TMEM132D: variants seen among roughly 807,000 people sequenced by gnomAD.
TMEM132D encodes mature OL transmembrane protein.
A neutral mutation model predicts 62.3 loss-of-function variants in TMEM132D; 21 were observed. The observed-to-expected ratio is 0.34, with a 90% CI of 0.24 to 0.49. TMEM132D has a LOEUF of 0.49. Among genes scored for constraint, TMEM132D ranks in the 20% least tolerant of loss-of-function variants. The pLI is 0.99. For synonymous variants in TMEM132D, 621 were observed against 575.6 expected (o/e 1.08, Z -1.13); for missense variants, 1,346 against 1,402.8 (o/e 0.96, Z 0.65).
Position 129,828,802 on chromosome 12 carries a change from G to A in TMEM132D, c.79+74459C>T, listed in dbSNP as rs558797580. ...AGAAAAGGAGGGAGGGAGGGAGGGA[G>A]GAAAGGAAGGGAGAAAAAAGGGAGG... On this transcript the variant is annotated intron_variant, in intron 1 of 8. Coordinates refer to ENST00000422113, the MANE Select transcript of TMEM132D (RefSeq NM_133448.3). Among the ~76,000 whole-genome samples the A allele has an allele frequency of 3.8e-5, 5 of 132,034 alleles. No homozygotes were observed. In the East Asian group the frequency reaches 1.2e-3, roughly 31 times the overall value. 86.6% of individuals were successfully genotyped at this position (132,034 alleles called of 152,430 possible).
intron 2 of TMEM132D, among the ~76,000 whole-genome samples, chr12:129,680,820 G>T (rs1470320063): frequency 6.6e-6 from 1 of 152,192 alleles, no homozygotes; most frequent in African/African-American, 2.4e-5. Context: ...CAAAGAGGTT[G>T]TGTTAAAAGA....
chr12:129,341,298 A>T (rs1869472788), intron 3 of TMEM132D, among the ~76,000 whole-genome samples: 2 of 152,250 alleles, frequency 1.3e-5, no homozygotes, highest in African/African-American at 4.8e-5. Context: ...TCAGAAGGGA[A>T]TCTGATGTAT....
At chr12:129,722,950 T>C (rs549818002) in intron 1 of TMEM132D, among the ~76,000 whole-genome samples, 2 of 151,870 alleles carry the variant, frequency 1.3e-5, no homozygotes, top group Non-Finnish European at 2.9e-5. Flanking sequence ...CCATGTTGGC[T>C]AGGCTGGTCT....
At position 129,120,113 on chromosome 12, in the gene TMEM132D, C is replaced by A. The variant is rs554465659; in HGVS notation, c.1444-35411G>T. Among the ~76,000 whole-genome samples the A allele has an allele frequency of 6.6e-5, 10 of 152,164 alleles. No homozygotes were observed. The South Asian group carries it at 2.1e-3, about 32-fold the overall frequency. On this transcript the variant is annotated intron_variant, in intron 5 of 8. Transcript: ENST00000422113. Reference sequence around the variant, plus strand: ...GGGCTTGATCACATGAATCCTGGACCATTATGGTGAGGAGGTTGTATATTA... The same window carrying A: ...GGGCTTGATCACATGAATCCTGGACAATTATGGTGAGGAGGTTGTATATTA...
intron 1 of TMEM132D, among the ~76,000 whole-genome samples, chr12:129,800,564 A>C (rs950311326): frequency 6.6e-6 from 1 of 152,130 alleles, no homozygotes; most frequent in African/African-American, 2.4e-5. Context: ...AGGCCATAGA[A>C]TCCTATAATA....
intron 3 of TMEM132D, among the ~76,000 whole-genome samples, chr12:129,523,016 G>C (rs1398814577): frequency 6.6e-6 from 1 of 152,044 alleles, no homozygotes; most frequent in Non-Finnish European, 1.5e-5. Context: ...TATAGATACA[G>C]ACATAGAAAT....
At chr12:129,086,834 G>T (rs1286716874) in intron 5 of TMEM132D, among the ~76,000 whole-genome samples, 1 of 151,700 alleles carries the variant, frequency 6.6e-6, no homozygotes, top group South Asian at 2.1e-4. Context: ...ATGAGTGCAG[G>T]TATTTTTTCA....
At chr12:129,581,361 G>A (rs983759187) in intron 2 of TMEM132D, among the ~76,000 whole-genome samples, 3 of 152,190 alleles carry the variant, frequency 2.0e-5, no homozygotes, top group Non-Finnish European at 2.9e-5. Flanking sequence ...ATATCTGGAA[G>A]GGAGTTTATT....
At chr12:129,446,654 C>A (rs1050089063) in intron 3 of TMEM132D, among the ~76,000 whole-genome samples, 1 of 152,184 alleles carries the variant, frequency 6.6e-6, no homozygotes, top group African/African-American at 2.4e-5. Context: ...TAAAAATATT[C>A]ACAGCATTAC....
chr12:129,372,306 C>T (rs530013607), intron 3 of TMEM132D, among the ~76,000 whole-genome samples: 1 of 152,322 alleles, frequency 6.6e-6, no homozygotes, highest in South Asian at 2.1e-4. Context: ...GCACCATGGG[C>T]CAGAACCAGT....
chr12:129,306,046 GGGTTTAACTCAGAGAA>G (rs1353009019), intron 4 of TMEM132D, among the ~76,000 whole-genome samples: 4 of 152,132 alleles, frequency 2.6e-5, no homozygotes, highest in Non-Finnish European at 5.9e-5. Context: ...GTCAGGGAAC[GGGTTTAACTCAGAGAA>G]GTGGTTCTGT....
chr12:129,864,583 T>G (rs964120662), intron 1 of TMEM132D, among the ~76,000 whole-genome samples: 1 of 152,056 alleles, frequency 6.6e-6, no homozygotes, highest in African/African-American at 2.4e-5. Flanking sequence ...AGCCACCACA[T>G]AAGGAGACTG....
chr12:129,339,345 G>C (rs989955329), intron 3 of TMEM132D, among the ~76,000 whole-genome samples: 1 of 58,460 alleles, frequency 1.7e-5, no homozygotes, highest in Non-Finnish European at 4.0e-5. Flanking sequence ...GGGGAAGGAG[G>C]GGGCCGGAGA....
chr12:129,806,858 T>G (rs1220945825), intron 1 of TMEM132D, among the ~76,000 whole-genome samples: 2 of 152,050 alleles, frequency 1.3e-5, no homozygotes, highest in South Asian at 4.2e-4. Context: ...AGACCCCAAC[T>G]CTACAAAAAT....
chr12:129,527,912 C>G (rs572003716), intron 3 of TMEM132D, among the ~76,000 whole-genome samples: 4 of 152,168 alleles, frequency 2.6e-5, no homozygotes, highest in African/African-American at 9.7e-5. Context: ...AAGAGATCTT[C>G]GCTCACTCCT....
chr12:129,518,330 A>T (rs1414022144), intron 3 of TMEM132D, among the ~76,000 whole-genome samples: 2 of 152,150 alleles, frequency 1.3e-5, no homozygotes, highest in Non-Finnish European at 2.9e-5. Flanking sequence ...ATGAGAACAC[A>T]CATTTTGTTT....
chr12:129,738,745 T>C (rs1869506769), intron 1 of TMEM132D, among the ~76,000 whole-genome samples: 1 of 152,152 alleles, frequency 6.6e-6, no homozygotes, highest in Admixed American at 6.5e-5. Context: ...CAGAAGCAAA[T>C]ACTCCTTGAG....
chr12:129,433,526 G>A (rs1181626211), intron 3 of TMEM132D, among the ~76,000 whole-genome samples: 1 of 152,066 alleles, frequency 6.6e-6, no homozygotes, highest in Non-Finnish European at 1.5e-5. Context: ...TGACACATGG[G>A]CAAAAAATAA....
At chr12:129,709,832 C>G (rs1165471108) in intron 1 of TMEM132D, among the ~76,000 whole-genome samples, 1 of 152,204 alleles carries the variant, frequency 6.6e-6, no homozygotes, top group Non-Finnish European at 1.5e-5. Context: ...CATAGAATCT[C>G]AGATCCTATT....
Sources: gnomAD v4.1 joint callset for allele counts (sites outside exome capture counted in the v4.1 genomes callset) on GRCh38, gnomAD v4.1.1 for gene constraint, MANE v1.5 for transcripts, NCBI Gene and HGNC (gene_info 2026-07-23, HGNC 2026-07-21) for gene names.